ALG13: variants seen among roughly 807,000 people sequenced by gnomAD.
ALG13 encodes the protein UDP-N-acetylglucosamine transferase subunit ALG13.
In ALG13, 11 loss-of-function variants were observed where a neutral mutation model predicts 87.8. That is an observed-to-expected ratio of 0.13 (90% CI 0.08 to 0.21). The LOEUF (loss-of-function observed/expected upper bound fraction) is 0.21. Ranked by LOEUF, ALG13 falls within the 10% of genes least tolerant of loss-of-function variation. The pLI, the probability that ALG13 is intolerant of heterozygous loss-of-function variation, is 1.00. For synonymous variants in ALG13, 320 were observed against 306.3 expected, an observed-to-expected ratio of 1.04 and a Z score of -0.47; for missense variants, 756 against 866.1, an observed-to-expected ratio of 0.87 and a Z score of 1.60.
chrX:111,725,458 G>A (rs974769957), intron 15 of ALG13, among the ~76,000 whole-genome samples: 1 of 110,695 alleles, frequency 9.0e-6, no homozygotes. Flanking sequence ...GTTACCAGAG[G>A]CTCAGAAGGG....
intron 19 of ALG13, among the ~76,000 whole-genome samples, chrX:111,729,447 C>G (rs1419778510): frequency 1.8e-5 from 2 of 110,700 alleles, no homozygotes; most frequent in Non-Finnish European, 3.8e-5. Flanking sequence ...AAATCTAGTG[C>G]AAGAATGATC....
chrX:111,690,641 A>G (rs1935967143), intron 3 of ALG13, among the ~76,000 whole-genome samples: 1 of 107,866 alleles, frequency 9.3e-6, no homozygotes, highest in African/African-American at 3.4e-5. Context: ...TTTAGTAGGG[A>G]CGGGGTTTCA....
At chrX:111,688,561 A>G (rs1935530025) in intron 3 of ALG13, 2 of 735,914 alleles carry the variant, frequency 2.7e-6, no homozygotes, top group Non-Finnish European at 3.1e-6. Context: ...GAGTGGATAT[A>G]TTCACTTTTT....
At chrX:111,688,567 TTTTTTTTTCTAAAACATA>T (rs1935536996) in intron 3 of ALG13, 1 of 721,067 alleles carries the variant, frequency 1.4e-6, no homozygotes, top group Admixed American at 9.5e-5. Flanking sequence ...ATATATTCAC[TTTTTTTTTCTAAAACATA>T]CAAAGTGATA....
intron 8 of ALG13, 24 bp downstream of exon 8, chrX:111,713,321 C>T: frequency 9.6e-7 from 1 of 1,042,020 alleles, no homozygotes; most frequent in Non-Finnish European, 1.3e-6. Flanking sequence ...TGAATGTTGA[C>T]TTATATAAAA....
chrX:111,743,941 C>T (rs1943989319), intron 23 of ALG13: 1 of 110,992 alleles, frequency 9.0e-6, no homozygotes. Context: ...CGTGTTATGT[C>T]ATACATATAT....
At position 111,711,678 on chromosome X, in the gene ALG13, G is replaced by A; in HGVS notation, c.838G>A (p.Val280Met). The A allele has an allele frequency of 8.3e-7, 1 of 1,207,924 alleles. No individual in the cohort carries two copies. The highest frequency in any genetic ancestry group is 1.1e-6 in the Non-Finnish European group (1 of 892,841). Residue 280 changes from valine (V) to methionine (M), a missense_variant, in exon 6 of 27, where the codon GTG (valine) becomes ATG (methionine). This residue lies in a region of ALG13 where 60 missense variants were observed against 54.5 expected (regional missense o/e 1.10). Transcript: ENST00000394780. ...TGAGTTTGTTTTATTTTTGAAGTAT[G>A]TGGAGGGATCTTTTGAGAAATACCT... is the stretch of plus-strand genomic sequence containing the variant. ...RENQQTFESYVEGSFEKYLER... is the reference protein window; with the variant it reads ...RENQQTFESYMEGSFEKYLER...
intron 23 of ALG13, among the ~76,000 whole-genome samples, chrX:111,738,734 GC>G (rs1421638072): frequency 1.8e-5 from 2 of 109,226 alleles, no homozygotes; most frequent in African/African-American, 6.7e-5. Flanking sequence ...ACAGGGTCTT[GC>G]CATGTTGCCC....
At chrX:111,731,969 AC>A in intron 21 of ALG13, among the ~76,000 whole-genome samples, 1 of 111,612 alleles carries the variant, frequency 9.0e-6, no homozygotes, top group African/African-American at 3.2e-5. Context: ...TCGGGTTTTA[AC>A]CAAAGAGTTC....
intron 25 of ALG13, among the ~76,000 whole-genome samples, chrX:111,756,014 C>G (rs377491836): frequency 3.6e-5 from 4 of 112,457 alleles, no homozygotes; most frequent in Non-Finnish European, 7.5e-5. Flanking sequence ...GGAACCAACT[C>G]ACATACCCAT....
chrX:111,729,517 T>TTATTTAGA (rs1235402428), intron 19 of ALG13, among the ~76,000 whole-genome samples: 1 of 111,873 alleles, frequency 8.9e-6, no homozygotes, highest in Non-Finnish European at 1.9e-5. Flanking sequence ...GTCTGCTCTC[T>TTATTTAGA]TATTTAGATG....
chrX:111,724,006 A>G (rs1416421119), intron 14 of ALG13, 108 bp downstream of exon 14: 13 of 492,710 alleles, frequency 2.6e-5, no homozygotes. Flanking sequence ...CCAGAATTGT[A>G]TCTACTGTTG....
intron 26 of ALG13, among the ~76,000 whole-genome samples, chrX:111,758,827 C>T (rs757331238): frequency 4.5e-5 from 5 of 111,607 alleles, no homozygotes; most frequent in African/African-American, 1.6e-4. Flanking sequence ...GAGCCAGGTG[C>T]GGTGGTTCAC....
chrX:111,699,511 A>G (rs1025772612), intron 3 of ALG13, among the ~76,000 whole-genome samples: 1 of 111,109 alleles, frequency 9.0e-6, no homozygotes, highest in Non-Finnish European at 1.9e-5. Flanking sequence ...GTAGTTTTGC[A>G]GTTTCAGGTT....
At chrX:111,751,134 G>T (rs1285182739) in intron 24 of ALG13, among the ~76,000 whole-genome samples, 1 of 99,962 alleles carries the variant, frequency 1.0e-5, no homozygotes, top group African/African-American at 3.8e-5. Context: ...AGTGGCGCGA[G>T]CTCAGCTCAC....
chrX:111,751,616 C>T (rs1184589782), intron 24 of ALG13, among the ~76,000 whole-genome samples: 1 of 111,580 alleles, frequency 9.0e-6, no homozygotes, highest in African/African-American at 3.3e-5. Context: ...AGTAGAATCC[C>T]ATGCCACTCA....
intron 1 of ALG13, 126 bp from the exon 2 acceptor site, chrX:111,682,006 G>A: frequency 1.1e-6 from 1 of 871,600 alleles, no homozygotes; most frequent in African/African-American, 2.1e-5. Context: ...AGTGAAATCG[G>A]CCACAGATAG....
intron 5 of ALG13, among the ~76,000 whole-genome samples, chrX:111,709,923 T>A (rs2148015115): frequency 8.9e-6 from 1 of 111,782 alleles, no homozygotes; most frequent in African/African-American, 3.2e-5. Flanking sequence ...AAGGCCATAG[T>A]GTAAAGCAGT....
intron 3 of ALG13, chrX:111,687,902 G>T: frequency 1.7e-6 from 2 of 1,162,196 alleles, no homozygotes; most frequent in East Asian, 3.2e-5. Flanking sequence ...TTCCTGGGCT[G>T]TTACAGTCAA....
Sources: gnomAD v4.1 joint callset for allele counts (sites outside exome capture counted in the v4.1 genomes callset) on GRCh38, gnomAD v4.1.1 for gene constraint, gnomAD v4.1.1 regional missense constraint, MANE v1.5 for transcripts, NCBI Gene and HGNC (gene_info 2026-07-23, HGNC 2026-07-21) for gene names.